TENM4: variants seen among roughly 807,000 people sequenced by gnomAD.
TENM4 encodes teneurin-4.
A neutral mutation model predicts 243.3 loss-of-function variants in TENM4; 82 were observed. The ratio of observed to expected loss-of-function variants is 0.34; its 90% CI spans 0.28 to 0.40. The LOEUF is 0.40. Ranked by LOEUF, TENM4 falls within the 10% of genes least tolerant of loss-of-function variation. TENM4 has a pLI of 1.00. For synonymous variants in TENM4, 1,412 were observed against 1,456.3 expected (o/e 0.97, Z 0.69); for missense variants, 3,138 against 3,673.3 (o/e 0.85, Z 3.77).
At chr11:79,325,734 A>G (rs1856964293) in intron 1 of TENM4, among the ~76,000 whole-genome samples, 1 of 152,226 alleles carries the variant, frequency 6.6e-6, no homozygotes, top group African/African-American at 2.4e-5. Context: ...TATTGTGATC[A>G]TTTTATAATT....
intron 4 of TENM4, among the ~76,000 whole-genome samples, chr11:79,110,003 T>C (rs1309346115): frequency 6.6e-6 from 1 of 152,256 alleles, no homozygotes; most frequent in African/African-American, 2.4e-5. Flanking sequence ...CCTTCTTCCA[T>C]GGTCTGATCC....
At chr11:79,121,638 A>C (rs114332277) in intron 4 of TENM4, among the ~76,000 whole-genome samples, 1 of 152,224 alleles carries the variant, frequency 6.6e-6, no homozygotes, top group Non-Finnish European at 1.5e-5. Context: ...CCTCTGAGCA[A>C]GTAGTGTCCA....
chr11:79,410,671 T>C (rs1590946679), intron 1 of TENM4, among the ~76,000 whole-genome samples: 1 of 152,344 alleles, frequency 6.6e-6, no homozygotes, highest in East Asian at 1.9e-4. Flanking sequence ...GGCAATTTAT[T>C]TGCCTTCTCT....
intron 2 of TENM4, among the ~76,000 whole-genome samples, chr11:79,259,259 AG>A (rs1251877284): frequency 2.6e-5 from 4 of 152,222 alleles, no homozygotes; most frequent in African/African-American, 9.7e-5. Context: ...ACTGTTCAAA[AG>A]TAAACTAGTA....
At chr11:79,220,834 C>T (rs1413287861) in intron 2 of TENM4, 1 of 152,156 alleles carries the variant, frequency 6.6e-6, no homozygotes, top group Non-Finnish European at 1.5e-5. Context: ...GAGATCTGTA[C>T]AAACTACAGA....
intron 6 of TENM4, among the ~76,000 whole-genome samples, chr11:78,925,952 G>A (rs200323239): frequency 1.2e-4 from 17 of 146,194 alleles, no homozygotes; most frequent in African/African-American, 3.9e-4. Flanking sequence ...AGGAGGAAAA[G>A]AAATAAAAAA....
intron 6 of TENM4, among the ~76,000 whole-genome samples, chr11:78,943,967 G>C (rs762624781): frequency 6.6e-6 from 1 of 152,206 alleles, no homozygotes; most frequent in African/African-American, 2.4e-5. Context: ...TGCGTGGTGA[G>C]GACTGCGTTT....
intron 4 of TENM4, among the ~76,000 whole-genome samples, chr11:79,075,145 G>C (rs868579423): frequency 5.9e-5 from 9 of 152,216 alleles, no homozygotes; most frequent in African/African-American, 1.9e-4. Context: ...CATAGGCCAG[G>C]CACCGGTCAA....
intron 2 of TENM4, among the ~76,000 whole-genome samples, chr11:79,265,248 T>G (rs560080635): frequency 1.3e-5 from 2 of 152,182 alleles, no homozygotes; most frequent in Non-Finnish European, 2.9e-5. Context: ...CCTAGGCACA[T>G]GAATGAAGGG....
intron 3 of TENM4, among the ~76,000 whole-genome samples, chr11:79,202,365 G>T (rs1047895671): frequency 6.6e-6 from 1 of 152,176 alleles, no homozygotes; most frequent in Non-Finnish European, 1.5e-5. Flanking sequence ...AGCAATCAGC[G>T]AGTAATCATC....
intron 6 of TENM4, among the ~76,000 whole-genome samples, chr11:78,937,354 C>T (rs533852179): frequency 6.6e-6 from 1 of 152,274 alleles, no homozygotes; most frequent in African/African-American, 2.4e-5. Context: ...AACACAAGTC[C>T]TGTGAGAAGT....
intron 6 of TENM4, among the ~76,000 whole-genome samples, chr11:79,011,604 C>A (rs1256595187): frequency 6.6e-6 from 1 of 152,224 alleles, no homozygotes; most frequent in Non-Finnish European, 1.5e-5. Flanking sequence ...TCTCCAGGAA[C>A]TGGCTGCTGG....
At chr11:78,903,693 T>G in intron 6 of TENM4, 170 bp from the exon 7 acceptor site, 15 of 1,100,250 alleles carry the variant, frequency 1.4e-5, no homozygotes, top group Non-Finnish European at 1.9e-5. Context: ...CACCTACCAT[T>G]CTAGGTGCTA....
chr11:78,844,766 A>C (rs1242289814), intron 12 of TENM4, among the ~76,000 whole-genome samples: 1 of 152,192 alleles, frequency 6.6e-6, no homozygotes, highest in Non-Finnish European at 1.5e-5. Context: ...GAGAGGCCTC[A>C]CCAGAAACCA....
intron 1 of TENM4, among the ~76,000 whole-genome samples, chr11:79,333,542 T>C (rs916056964): frequency 6.6e-6 from 1 of 152,150 alleles, no homozygotes; most frequent in Non-Finnish European, 1.5e-5. Context: ...ATCCCTAACT[T>C]AGGGCTCTCT....
intron 27 of TENM4, among the ~76,000 whole-genome samples, chr11:78,703,584 T>C (rs1859159715): frequency 6.6e-6 from 1 of 152,128 alleles, no homozygotes; most frequent in African/African-American, 2.4e-5. Flanking sequence ...AGGAGTGTTT[T>C]CTTCAGTGGA....
At chr11:79,235,515 A>G (rs923849685) in intron 2 of TENM4, among the ~76,000 whole-genome samples, 1 of 152,194 alleles carries the variant, frequency 6.6e-6, no homozygotes, top group Non-Finnish European at 1.5e-5. Flanking sequence ...TAATAACACT[A>G]ATGATAATCG....
chr11:79,377,784 T>C (rs1197287682), intron 1 of TENM4, among the ~76,000 whole-genome samples: 2 of 152,166 alleles, frequency 1.3e-5, no homozygotes, highest in African/African-American at 2.4e-5. Flanking sequence ...AAAAGTGTTC[T>C]GTACTCCCTA....
chr11:78,693,637 C>G (rs940763690), intron 28 of TENM4, among the ~76,000 whole-genome samples: 1 of 152,170 alleles, frequency 6.6e-6, no homozygotes, highest in Non-Finnish European at 1.5e-5. Flanking sequence ...AGATGACTGG[C>G]TTTTCATTAT....
Sources: allele counts gnomAD v4.1 joint callset (sites outside exome capture counted in the v4.1 genomes callset), GRCh38; gene constraint gnomAD v4.1.1; transcripts MANE v1.5; gene names NCBI Gene and HGNC (gene_info 2026-07-23, HGNC 2026-07-21).